The following ROBO1 variants were observed in gnomAD, a reference collection of about 807,000 sequenced individuals.
ROBO1 encodes roundabout homolog 1.
Under a neutral mutation model 195.9 loss-of-function variants are expected in ROBO1, and 149 were observed. The observed-to-expected ratio is 0.76, with a 90% confidence interval of 0.67 to 0.87. ROBO1 has a LOEUF of 0.87. ROBO1 is among the 40% of genes least tolerant of loss of function. The pLI is 0.00. For synonymous variants in ROBO1, 816 were observed against 733.2 expected, an observed-to-expected ratio of 1.11 and a Z score of -1.82; for missense variants, 1,933 against 2,068.3, an observed-to-expected ratio of 0.93 and a Z score of 1.27.
chr3:78,717,656 C>A, intron 6 of ROBO1, 107 bp downstream of exon 6: 7 of 1,237,230 alleles, frequency 5.7e-6, no homozygotes. Context: ...TTCTACCCAC[C>A]CCCTAAAAAT....
intron 4 of ROBO1, among the ~76,000 whole-genome samples, chr3:78,917,559 A>C (rs2038685316): frequency 6.6e-6 from 1 of 152,142 alleles, no homozygotes; most frequent in African/African-American, 2.4e-5. Context: ...TGCATCTAGA[A>C]ATAATTAATT....
chr3:79,350,298 A>G (rs1203636008), intron 2 of ROBO1, among the ~76,000 whole-genome samples: 1 of 152,212 alleles, frequency 6.6e-6, no homozygotes, highest in Non-Finnish European at 1.5e-5. Context: ...AGACTATAGC[A>G]TATGTTGGTG....
At chr3:79,322,582 A>C (rs955503970) in intron 2 of ROBO1, among the ~76,000 whole-genome samples, 1 of 152,172 alleles carries the variant, frequency 6.6e-6, no homozygotes, top group African/African-American at 2.4e-5. Context: ...TGCAAATGGG[A>C]TCCACAAATT....
chr3:79,744,604 A>G (rs1703791527), intron 1 of ROBO1, among the ~76,000 whole-genome samples: 1 of 152,084 alleles, frequency 6.6e-6, no homozygotes, highest in African/African-American at 2.4e-5. Context: ...CCCTGCTGGC[A>G]CCCTGATCTC....
At chr3:79,606,691 A>G (rs1944496457) in intron 1 of ROBO1, among the ~76,000 whole-genome samples, 1 of 151,946 alleles carries the variant, frequency 6.6e-6, no homozygotes, top group Non-Finnish European at 1.5e-5. Context: ...TAAATAGACC[A>G]GTGGTCACCC....
intron 2 of ROBO1, among the ~76,000 whole-genome samples, chr3:79,479,013 C>T (rs560988423): frequency 6.6e-6 from 1 of 152,328 alleles, no homozygotes; most frequent in East Asian, 1.9e-4. Context: ...TCTAGAGGTA[C>T]ATCAGGAAAG....
At chr3:79,436,075 C>T (rs542458207) in intron 2 of ROBO1, among the ~76,000 whole-genome samples, 2 of 152,118 alleles carry the variant, frequency 1.3e-5, no homozygotes, top group South Asian at 4.2e-4. Flanking sequence ...AACACTGGAC[C>T]CTTGTAAAGA....
At chr3:79,461,158 G>A (rs1937621653) in intron 2 of ROBO1, among the ~76,000 whole-genome samples, 1 of 152,092 alleles carries the variant, frequency 6.6e-6, no homozygotes, top group South Asian at 2.1e-4. Context: ...CCAAAAGTCT[G>A]TCTTATTGGC....
intron 2 of ROBO1, among the ~76,000 whole-genome samples, chr3:79,160,926 G>C (rs2080948636): frequency 6.6e-6 from 1 of 151,960 alleles, no homozygotes; most frequent in Non-Finnish European, 1.5e-5. Context: ...CACGTAAAGA[G>C]AATTAATGAA....
intron 1 of ROBO1, among the ~76,000 whole-genome samples, chr3:79,758,743 A>G (rs1704538441): frequency 6.6e-6 from 1 of 152,198 alleles, no homozygotes; most frequent in Non-Finnish European, 1.5e-5. Flanking sequence ...AAGGCAGACT[A>G]TACTTAGGAG....
chr3:79,217,408 C>G (rs755978852), intron 2 of ROBO1, among the ~76,000 whole-genome samples: 11 of 151,976 alleles, frequency 7.2e-5, no homozygotes, highest in Non-Finnish European at 1.6e-4. Flanking sequence ...TGTCATATCT[C>G]AAGCTTGACA....
chr3:78,906,185 C>A (rs1482630245), intron 4 of ROBO1, among the ~76,000 whole-genome samples: 17 of 152,126 alleles, frequency 1.1e-4, no homozygotes, highest in Non-Finnish European at 1.8e-4. Flanking sequence ...TGTCCTCCAT[C>A]TCTCATAAAA....
intron 2 of ROBO1, among the ~76,000 whole-genome samples, chr3:79,406,485 C>T (rs1575781942): frequency 6.6e-6 from 1 of 151,890 alleles, no homozygotes. Flanking sequence ...AAAATGCTTC[C>T]TGGCATATTT....
intron 4 of ROBO1, among the ~76,000 whole-genome samples, chr3:78,843,306 C>A (rs2033407026): frequency 6.6e-6 from 1 of 151,996 alleles, no homozygotes; most frequent in Non-Finnish European, 1.5e-5. Flanking sequence ...CTCCTTCATT[C>A]ACTGATTGGG....
intron 2 of ROBO1, among the ~76,000 whole-genome samples, chr3:79,171,705 TA>T (rs896649676): frequency 2.0e-5 from 3 of 151,960 alleles, no homozygotes; most frequent in Non-Finnish European, 1.5e-5. Flanking sequence ...ACTTGTTACA[TA>T]AAAAAAATCA....
chr3:79,722,288 T>C (rs113787553), intron 1 of ROBO1, among the ~76,000 whole-genome samples: 4 of 152,348 alleles, frequency 2.6e-5, no homozygotes, highest in African/African-American at 9.6e-5. Context: ...CATACATCTT[T>C]AGAAATCTAA....
intron 3 of ROBO1, chr3:79,018,848 A>T: frequency 9.9e-7 from 1 of 1,006,578 alleles, no homozygotes; most frequent in Non-Finnish European, 1.2e-6. Flanking sequence ...CTGCGAGGGC[A>T]GGCGCGGCGG....
At chr3:79,466,788 A>G (rs148634637) in intron 2 of ROBO1, among the ~76,000 whole-genome samples, 129 of 152,326 alleles carry the variant, frequency 8.5e-4, no homozygotes, top group African/African-American at 2.9e-3. Flanking sequence ...ATCAATTAGT[A>G]CAATTCATAA....
At chr3:79,216,447 G>A (rs1323870893) in intron 2 of ROBO1, among the ~76,000 whole-genome samples, 2 of 152,028 alleles carry the variant, frequency 1.3e-5, no homozygotes, top group Non-Finnish European at 1.5e-5. Flanking sequence ...TTAAAGAAAT[G>A]ATGTTCAAGG....
Sources: gnomAD v4.1 joint callset for allele counts (sites outside exome capture counted in the v4.1 genomes callset) on GRCh38, gnomAD v4.1.1 for gene constraint, MANE v1.5 for transcripts, NCBI Gene and HGNC (gene_info 2026-07-23, HGNC 2026-07-21) for gene names.